Variants in NIBAN2 observed in about 807,000 individuals in gnomAD.
NIBAN2 encodes the protein niban apoptosis regulator 2, also known as protein Niban 2.
NIBAN2 carries 36 observed loss-of-function variants against 81.8 expected under a neutral mutation model. The ratio of observed to expected loss-of-function variants is 0.44; its 90% CI spans 0.34 to 0.58. The LOEUF is 0.58. NIBAN2 is among the 20% of genes least tolerant of loss of function. NIBAN2 has a pLI of 0.02. For synonymous variants in NIBAN2, 445 were observed against 441.6 expected (o/e 1.01, Z -0.10); for missense variants, 897 against 1,014.1 (o/e 0.88, Z 1.57).
upstream of NIBAN2, among the ~76,000 whole-genome samples, chr9:127,569,913 C>T (rs963676703): frequency 6.6e-6 from 1 of 152,154 alleles, no homozygotes; most frequent in Admixed American, 6.5e-5. Flanking sequence ...ACCCGGAGAC[C>T]GACAGGCACC....
At chr9:127,552,881 A>C (rs1386930053) in intron 1 of NIBAN2, among the ~76,000 whole-genome samples, 4 of 151,914 alleles carry the variant, frequency 2.6e-5, no homozygotes, top group Non-Finnish European at 5.9e-5. Flanking sequence ...AAGTAGAGAC[A>C]GGGTTTCACT....
At chr9:127,575,776 C>T (rs1054467190) in intron 1 of NIBAN2, among the ~76,000 whole-genome samples, 1 of 151,820 alleles carries the variant, frequency 6.6e-6, no homozygotes, top group Non-Finnish European at 1.5e-5. Context: ...GTGATCCGCC[C>T]GCCTTGGCTC....
chr9:127,558,243 C>T (rs1370616477), intron 1 of NIBAN2, among the ~76,000 whole-genome samples: 1 of 152,122 alleles, frequency 6.6e-6, no homozygotes, highest in Non-Finnish European at 1.5e-5. Context: ...GTTTGTTTAC[C>T]CAGTTTTCAT....
chr9:127,508,774 G>A lies in NIBAN2; in HGVS notation c.1317+202C>T, dbSNP rs892684526. Among the ~76,000 whole-genome samples the A allele has an allele frequency of 6.6e-6, 1 of 151,970 alleles. No homozygotes were observed. The highest frequency in any genetic ancestry group is 1.5e-5 in the Non-Finnish European group (1 of 67,986). ...CAAGGAGAGCTTCCTGGAGGAAGGGGTCTCTAAGCTGAGACCTGGGAAGTG... is the reference window on the plus strand; with the variant it reads ...CAAGGAGAGCTTCCTGGAGGAAGGGATCTCTAAGCTGAGACCTGGGAAGTG... On this transcript the variant is annotated intron_variant, in intron 10 of 13. Coordinates refer to ENST00000373312, the MANE Select transcript of NIBAN2 (RefSeq NM_022833.4). The surrounding 1 kb of genome is among the most constrained non-coding windows in gnomAD (Gnocchi z 6.4).
intron 3 of NIBAN2, among the ~76,000 whole-genome samples, chr9:127,526,482 C>T (rs889723533): frequency 4.6e-5 from 7 of 152,052 alleles, no homozygotes; most frequent in African/African-American, 1.2e-4. Flanking sequence ...AGCCCAGCAC[C>T]GTGTCTTTCA....
At chr9:127,578,796 G>T in intron 1 of NIBAN2, 1 of 857,596 alleles carries the variant, frequency 1.2e-6, no homozygotes, top group Non-Finnish European at 1.8e-6. Flanking sequence ...GTTTGAGGCT[G>T]CATTGAGCTA....
rs374346526 is a variant in NIBAN2, at chr9:127,523,836, T to C, written c.432A>G (p.Ala144=). The change falls in exon 5 of 14, where the codon GCA becomes GCG. Residue 144 remains alanine, a synonymous_variant. Coordinates refer to ENST00000373312, the MANE Select transcript of NIBAN2 (RefSeq NM_022833.4). The part of the protein sequence containing the change: ...LIGNSLPGTT[A]KSGSAPILKC... ...TGAGGATGGGGGCACTGCCCGACTTTGCCGTGGTCCCTGTGGAGACAGTGC... is the reference window on the plus strand; with the variant it reads ...TGAGGATGGGGGCACTGCCCGACTTCGCCGTGGTCCCTGTGGAGACAGTGC... 1.4e-5 allele frequency: 23 copies of C among 1,611,166 alleles called. No individual in the cohort carries two copies. Among genetic ancestry groups the C allele is most frequent in the Non-Finnish European group, 1.7e-5 (20 of 1,177,658 alleles).
chr9:127,527,540 C>T lies in NIBAN2; in HGVS notation c.187-218G>A, dbSNP rs561079374. Among the ~76,000 whole-genome samples the T allele has an allele frequency of 3.9e-5, 6 of 152,342 alleles. No individual in the cohort carries two copies. In the South Asian group the frequency reaches 1.0e-3, roughly 26 times the overall value. On this transcript the variant is annotated intron_variant, in intron 2 of 13. Coordinates refer to ENST00000373312, the MANE Select transcript of NIBAN2 (RefSeq NM_022833.4). ...AGACTCGGAGCCGTGGAGGGGCTCA[C>T]CCAGCATCCAGGCAGGGTGGTGATG...
rs898577980 is a variant in NIBAN2, at chr9:127,517,505, T to C, written c.706-289A>G. Among the ~76,000 whole-genome samples the C allele has an allele frequency of 1.3e-5, 2 of 152,174 alleles. No homozygotes were observed. The highest frequency in any genetic ancestry group is 1.5e-5 in the Non-Finnish European group (1 of 68,026). ...ACTCCCTCCCTGCTTTGCCTGCACA[T>C]GGAAGTGTACATTTATTTGCCAAAT... On this transcript the variant is annotated intron_variant, in intron 6 of 13. Transcript: ENST00000373312. The surrounding 1 kb of genome is among the most constrained non-coding windows in gnomAD (Gnocchi z 4.0).
chr9:127,546,415 G>A (rs1389496318), intron 1 of NIBAN2, among the ~76,000 whole-genome samples: 1 of 151,982 alleles, frequency 6.6e-6, no homozygotes, highest in African/African-American at 2.4e-5. Context: ...ACATTGGCAG[G>A]TGCCCCCCAC....
chr9:127,525,932 CA>C (rs1837054313), intron 3 of NIBAN2, among the ~76,000 whole-genome samples: 1 of 152,150 alleles, frequency 6.6e-6, no homozygotes, highest in African/African-American at 2.4e-5. Flanking sequence ...ACACCAGTAG[CA>C]GGGGGCAAAG....
At chr9:127,556,456 GCATT>G (rs34149772) in intron 1 of NIBAN2, among the ~76,000 whole-genome samples, 61,888 of 151,182 alleles carry the variant, frequency 0.41, 13,211 homozygotes, top group East Asian at 0.72. Flanking sequence ...CCTTGCAATG[GCATT>G]CATTCATTCA....
intron 5 of NIBAN2, among the ~76,000 whole-genome samples, chr9:127,523,192 AAT>A (rs71380069): frequency 1.4e-3 from 19 of 13,450 alleles, no homozygotes; most frequent in East Asian, 3.0e-3. Flanking sequence ...AAAAAAAAAA[AAT>A]ATATATATAT....
chr9:127,560,845 C>T (rs1675139223), intron 1 of NIBAN2, among the ~76,000 whole-genome samples: 1 of 152,188 alleles, frequency 6.6e-6, no homozygotes, highest in Admixed American at 6.5e-5. Context: ...TAGAAGCCAC[C>T]AGCCCTGCCT....
intron 5 of NIBAN2, among the ~76,000 whole-genome samples, chr9:127,522,137 C>T (rs541291843): frequency 6.6e-6 from 1 of 152,204 alleles, no homozygotes; most frequent in South Asian, 2.1e-4. Context: ...CCAGTCCCAG[C>T]CCACAGTCCC....
At chr9:127,560,556 AC>A (rs1837755490) in intron 1 of NIBAN2, among the ~76,000 whole-genome samples, 1 of 151,804 alleles carries the variant, frequency 6.6e-6, no homozygotes, top group Non-Finnish European at 1.5e-5. Flanking sequence ...AGGCTGGCCC[AC>A]CCCAGGCCAG....
rs1447267461 is a variant in NIBAN2 at position 127,508,917 on chromosome 9, G to A, written c.1317+59C>T. On this transcript the variant is annotated intron_variant, in intron 10 of 13. Coordinates refer to ENST00000373312, the MANE Select transcript of NIBAN2 (RefSeq NM_022833.4). This position sits in a 1 kb window ranked among gnomAD's most constrained non-coding sequence, Gnocchi z 6.4. ...GGAGCAGAAGGGACCCCCTGGGCGA[G>A]GGGGCCTGTGGAAGGCAGTGGACAG... 1 of 1,590,940 alleles carries A rather than the reference G, an allele frequency of 6.3e-7. No homozygotes were observed. Among genetic ancestry groups the A allele is most frequent in the South Asian group, 1.1e-5 (1 of 90,484 alleles).
At chr9:127,552,095 C>T (rs888468582) in intron 1 of NIBAN2, among the ~76,000 whole-genome samples, 4 of 152,196 alleles carry the variant, frequency 2.6e-5, no homozygotes, top group Admixed American at 1.3e-4. Context: ...GCGTGCCATG[C>T]TGGGCCTGTC....
chr9:127,551,116 C>T (rs1361706258), intron 1 of NIBAN2, among the ~76,000 whole-genome samples: 1 of 152,146 alleles, frequency 6.6e-6, no homozygotes, highest in Non-Finnish European at 1.5e-5. Context: ...CGGCTAGGTG[C>T]GGTGGCTCAT....
Sources: gnomAD v4.1 joint callset for allele counts (sites outside exome capture counted in the v4.1 genomes callset) on GRCh38, gnomAD v4.1.1 for gene constraint, Gnocchi (gnomAD v3.1) non-coding constraint, MANE v1.5 for transcripts, NCBI Gene and HGNC (gene_info 2026-07-23, HGNC 2026-07-21) for gene names.